RYR3: variants seen among roughly 807,000 people sequenced by gnomAD.
RYR3 encodes brain ryanodine receptor-calcium release channel.
RYR3 carries 207 observed loss-of-function variants against 584.3 expected under a neutral mutation model. The observed-to-expected ratio is 0.35, with a 90% CI of 0.32 to 0.40. RYR3 has a LOEUF of 0.40. RYR3 is among the 10% of genes least tolerant of loss of function. The pLI, the probability that RYR3 is intolerant of heterozygous loss-of-function variation, is 1.00. For synonymous variants in RYR3, 2,416 were observed against 2,248.5 expected (o/e 1.07, Z -2.11); for missense variants, 5,616 against 6,089.2 (o/e 0.92, Z 2.59).
At position 33,738,581 on chromosome 15, in the gene RYR3, C is replaced by T. The variant is rs202185307; in HGVS notation, c.7647C>T (p.Leu2549=). ...EKLFWGIFDS[L]SHKKYDPDLF... The stretch of plus-strand genomic sequence containing the variant: ...TTTTCTGGGGGATTTTTGACTCGCT[C>T]TCCCATAAGGTAATGACAGTACTTT... Residue 2549 remains leucine (L), a synonymous_variant, in exon 50 of 104, where the codon CTC becomes CTT. Coordinates refer to ENST00000634891, the MANE Select transcript of RYR3 (RefSeq NM_001036.6). 6.8e-6 allele frequency: 11 copies of T among 1,613,960 alleles called. No homozygotes were observed. The highest frequency in any genetic ancestry group is 4.0e-5 in the African/African-American group (3 of 75,032).
At chr15:33,608,951 G>A (rs920548807) in intron 18 of RYR3, among the ~76,000 whole-genome samples, 1 of 152,208 alleles carries the variant, frequency 6.6e-6, no homozygotes, top group Non-Finnish European at 1.5e-5. Flanking sequence ...GCTAAATAAA[G>A]TTCAGAGCTC....
chr15:33,730,567 G>A (rs1344974727), intron 47 of RYR3, among the ~76,000 whole-genome samples: 2 of 152,176 alleles, frequency 1.3e-5, no homozygotes, highest in African/African-American at 2.4e-5. Context: ...ATAGTTCAAA[G>A]AAAATGGTTT....
chr15:33,835,177 C>T, intron 87 of RYR3, 105 bp downstream of exon 87: 1 of 853,144 alleles, frequency 1.2e-6, no homozygotes, highest in Non-Finnish European at 1.8e-6. Context: ...AAAGGCTGGA[C>T]AAGCCATGCA....
intron 72 of RYR3, among the ~76,000 whole-genome samples, chr15:33,812,450 T>A (rs1489391273): frequency 6.6e-6 from 1 of 152,116 alleles, no homozygotes; most frequent in Non-Finnish European, 1.5e-5. Flanking sequence ...TAATTGGATG[T>A]TATATTTTTA....
chr15:33,592,751 C>G, intron 16 of RYR3, among the ~76,000 whole-genome samples: 1 of 152,304 alleles, frequency 6.6e-6, no homozygotes, highest in Non-Finnish European at 1.5e-5. Context: ...GTGGATTAGA[C>G]TTATCTGCAC....
At chr15:33,362,653 A>T (rs1974943116) in intron 1 of RYR3, among the ~76,000 whole-genome samples, 1 of 151,994 alleles carries the variant, frequency 6.6e-6, no homozygotes, top group Non-Finnish European at 1.5e-5. Flanking sequence ...TTTCACCTAT[A>T]CAGTGTTTGA....
chr15:33,631,126 G>C, intron 22 of RYR3, 84 bp from the exon 23 acceptor site: 1 of 849,558 alleles, frequency 1.2e-6, no homozygotes, highest in South Asian at 1.7e-5. Flanking sequence ...GCTCTTGTCT[G>C]TTTTCAACTC....
At chr15:33,612,924 C>G (rs1030140419) in intron 18 of RYR3, among the ~76,000 whole-genome samples, 2 of 152,234 alleles carry the variant, frequency 1.3e-5, no homozygotes, top group African/African-American at 4.8e-5. Context: ...TCATTCTTAG[C>G]AGCTTGAGCA....
chr15:33,757,011 G>A (rs1019023769), intron 59 of RYR3, among the ~76,000 whole-genome samples: 25 of 152,156 alleles, frequency 1.6e-4, no homozygotes, highest in African/African-American at 6.0e-4. Flanking sequence ...GTTGCCAAAA[G>A]GAAGAAGGGG....
intron 67 of RYR3, among the ~76,000 whole-genome samples, chr15:33,796,816 C>T (rs1336979707): frequency 1.3e-5 from 2 of 152,180 alleles, no homozygotes; most frequent in African/African-American, 4.8e-5. Flanking sequence ...TTTATTGCAG[C>T]ACTATTCACA....
chr15:33,858,862 AG>A (rs2080015429), intron 99 of RYR3: 1 of 152,474 alleles, frequency 6.6e-6, no homozygotes, highest in African/African-American at 2.4e-5. Flanking sequence ...TCCATAAAAG[AG>A]GTAACACTTC....
Position 33,865,245 on chromosome 15 carries a change from CG to C in RYR3, c.*20del. ...TGGATAAATCTGAATCAAAGAAGCG[CG>C]ACAATTCTGGACAGTCAACTTCCCA... On this transcript the variant is annotated 3_prime_UTR_variant, in exon 104 of 104. Transcript: ENST00000634891. The C allele has an allele frequency of 6.5e-7, 1 of 1,547,320 alleles. No homozygotes were observed. Among genetic ancestry groups the C allele is most frequent in the African/African-American group, 1.4e-5 (1 of 73,418 alleles).
rs375416570 is a variant in RYR3 at position 33,363,086 on chromosome 15, A to G, written c.51+51990A>G. ...ACAGCAACCTTCATCTGGCATCTCC[A>G]TTTGTTGATGAATAAATAAAATATA... On this transcript the variant is annotated intron_variant, in intron 1 of 103. Coordinates refer to ENST00000634891, the MANE Select transcript of RYR3 (RefSeq NM_001036.6). Among the ~76,000 whole-genome samples the G allele has an allele frequency of 7.9e-5, 12 of 152,286 alleles. No individual in the cohort carries two copies. In the East Asian group the frequency reaches 1.4e-3, roughly 17 times the overall value.
At chr15:33,747,726 A>G (rs1358966913) in intron 53 of RYR3, among the ~76,000 whole-genome samples, 3 of 152,118 alleles carry the variant, frequency 2.0e-5, no homozygotes, top group African/African-American at 7.2e-5. Flanking sequence ...TGCCCAGCCC[A>G]CAAGAATTCT....
intron 67 of RYR3, among the ~76,000 whole-genome samples, chr15:33,795,032 A>G (rs1031928964): frequency 6.6e-6 from 1 of 152,158 alleles, no homozygotes; most frequent in Non-Finnish European, 1.5e-5. Context: ...ACTCCTACCT[A>G]TCAGCTCTAA....
At chr15:33,516,885 TA>T (rs538847139) in intron 3 of RYR3, among the ~76,000 whole-genome samples, 3,491 of 149,864 alleles carry the variant, frequency 0.023, 143 homozygotes, top group African/African-American at 0.081. Context: ...CAGAATGGCT[TA>T]AAAAAAAAAT....
intron 1 of RYR3, among the ~76,000 whole-genome samples, chr15:33,354,016 G>A (rs1417909895): frequency 6.6e-6 from 1 of 152,176 alleles, no homozygotes; most frequent in Non-Finnish European, 1.5e-5. Context: ...CAGAATCAAA[G>A]GAAAGCTTGA....
At chr15:33,861,512 T>A (rs1567358940) in intron 102 of RYR3, among the ~76,000 whole-genome samples, 1 of 150,804 alleles carries the variant, frequency 6.6e-6, no homozygotes, top group Non-Finnish European at 1.5e-5. Flanking sequence ...CAAAGAAAAA[T>A]CTGTGGCCCC....
At chr15:33,368,363 T>TA (rs1555444761) in intron 1 of RYR3, among the ~76,000 whole-genome samples, 2 of 142,736 alleles carry the variant, frequency 1.4e-5, no homozygotes, top group East Asian at 4.1e-4. Context: ...TTTTTTTTTT[T>TA]ACCATGGTGG....
Sources: allele counts gnomAD v4.1 joint callset (sites outside exome capture counted in the v4.1 genomes callset), GRCh38; gene constraint gnomAD v4.1.1; transcripts MANE v1.5; gene names NCBI Gene and HGNC (gene_info 2026-07-23, HGNC 2026-07-21).